Variants in SLC15A2 observed in about 807,000 individuals in gnomAD.
SLC15A2 encodes the protein solute carrier family 15 member 2.
SLC15A2 carries 77 observed loss-of-function variants against 95.5 expected under a neutral mutation model. The observed-to-expected ratio is 0.81, with a 90% confidence interval of 0.67 to 0.97. The LOEUF (loss-of-function observed/expected upper bound fraction) is 0.97, where lower values mean the gene tolerates loss of function less well. SLC15A2 is among the 50% of genes least tolerant of loss of function. The pLI, the probability that SLC15A2 is intolerant of heterozygous loss-of-function variation, is 0.00. For missense variants in SLC15A2, 893 were observed against 874.4 expected, an observed-to-expected ratio of 1.02 and a Z score of -0.27; for synonymous variants, 306 against 306.9, an observed-to-expected ratio of 1.00 and a Z score of 0.03.
In SLC15A2 at chr3:121,924,231, C is replaced by T. The variant is rs1017525653; in HGVS notation, c.1003-120C>T. 29 of 800,676 alleles carry T rather than the reference C, an allele frequency of 3.6e-5. 1 individual carries two copies. The highest frequency in any genetic ancestry group is 6.2e-5 in the Non-Finnish European group (29 of 468,902). The allele number at this position is 800,676 out of a possible 1,614,324, so 49.6% of individuals were successfully genotyped here. A position where few individuals can be genotyped will look rare whatever the true frequency, so the allele number is the denominator to read the frequency against. ...CAAAATAGTGGCCCTGAACCAAAGACCTGATGAATTTTCTCTCATATGTTT... is the reference window on the plus strand; with the variant it reads ...CAAAATAGTGGCCCTGAACCAAAGATCTGATGAATTTTCTCTCATATGTTT... On this transcript the variant is annotated intron_variant, in intron 11 of 21. Coordinates refer to ENST00000489711, the MANE Select transcript of SLC15A2 (RefSeq NM_021082.4).
chr3:121,910,311 C>T (rs3792596), intron 3 of SLC15A2, among the ~76,000 whole-genome samples: 67,706 of 151,448 alleles, frequency 0.45, 15,640 homozygotes, highest in East Asian at 0.69. Flanking sequence ...ATTCTCCTGC[C>T]TCAGCCTCCC....
chr3:121,904,643 C>T (rs561598930), intron 3 of SLC15A2, among the ~76,000 whole-genome samples: 16 of 152,100 alleles, frequency 1.1e-4, no homozygotes, highest in Admixed American at 5.2e-4. Context: ...GTTTATATGC[C>T]GGATTACGTT....
intron 3 of SLC15A2, among the ~76,000 whole-genome samples, chr3:121,911,099 CT>C (rs1453230438): frequency 6.6e-6 from 1 of 152,218 alleles, no homozygotes; most frequent in Non-Finnish European, 1.5e-5. Flanking sequence ...TTAGCCATTC[CT>C]GTTTACTTGG....
At position 121,939,419 on chromosome 3, in the gene SLC15A2, A is replaced by G; in HGVS notation, c.1832A>G (p.Gln611Arg). The change falls in exon 20 of 22, where the codon CAG becomes CGG. Residue 611 changes from glutamine (Q) to arginine (R), a missense_variant. By Grantham distance (43) the Gln-to-Arg change is conservative. Transcript: ENST00000489711. ...GCCAACAAAATGTCCATTGCGTGGC[A>G]GCTACCACAATATGCCCTGGTTACA... ...IPANKMSIAW[Q>R]LPQYALVTAG... 6.3e-7 allele frequency: 1 copy of G among 1,581,020 alleles called. No individual in the cohort carries two copies. Among genetic ancestry groups the G allele is most frequent in the Non-Finnish European group, 8.6e-7 (1 of 1,164,192 alleles).
intron 6 of SLC15A2, 139 bp downstream of exon 6, chr3:121,915,456 T>C (rs1263592376): frequency 5.0e-6 from 4 of 796,684 alleles, no homozygotes; most frequent in African/African-American, 3.5e-5. Context: ...TTGATTTGTC[T>C]GGCCCAAAAG....
intron 18 of SLC15A2, 31 bp from the exon 19 acceptor site, chr3:121,931,608 T>A: frequency 7.0e-7 from 1 of 1,433,416 alleles, no homozygotes; most frequent in African/African-American, 1.4e-5. Context: ...AGCCTTGATA[T>A]TTATTCTAAC....
chr3:121,937,872 T>C (rs1401993713), intron 19 of SLC15A2, among the ~76,000 whole-genome samples: 3 of 151,422 alleles, frequency 2.0e-5, no homozygotes, highest in African/African-American at 7.3e-5. Flanking sequence ...TTTTCTGTTC[T>C]GTTTTTTCCC....
At chr3:121,929,443 A>G in intron 17 of SLC15A2, 95 bp downstream of exon 17, 1 of 1,349,814 alleles carries the variant, frequency 7.4e-7, no homozygotes, top group South Asian at 1.2e-5. Flanking sequence ...TCTGAACAGG[A>G]ATTCCCTCTC....
At position 121,896,923 on chromosome 3, in the gene SLC15A2, G is replaced by GTC. The variant is rs1576665993; in HGVS notation, c.193+430_193+431insTC. Among the ~76,000 whole-genome samples the GTC allele has an allele frequency of 4.7e-5, 7 of 149,080 alleles. No individual in the cohort carries two copies. The East Asian group carries it at 1.4e-3, about 31-fold the overall frequency. ...CTCCAAAAAAAAAAAAAAAAAAGGGGGGGGAGGGAAAGCTCTCATTATCTC... is the reference window on the plus strand; with the variant it reads ...CTCCAAAAAAAAAAAAAAAAAAGGGGTCGGGGAGGGAAAGCTCTCATTATCTC... On this transcript the variant is annotated intron_variant, in intron 2 of 21. Transcript: ENST00000489711.
intron 3 of SLC15A2, among the ~76,000 whole-genome samples, chr3:121,910,159 CT>C (rs1355193260): frequency 2.0e-5 from 3 of 150,694 alleles, no homozygotes; most frequent in Non-Finnish European, 2.9e-5. Flanking sequence ...GTTCCCTCCC[CT>C]GATGTTAATT....
In SLC15A2 at chr3:121,903,094, T is replaced by C. The variant is rs762886406; in HGVS notation, c.335+5565T>C. 4.3e-4 allele frequency among the ~76,000 whole-genome samples: 66 copies of C among 152,336 alleles called. 2 individuals carry two copies. The highest frequency in any genetic ancestry group is 8.4e-4 in the Non-Finnish European group (57 of 68,028). ...CATTGTGGTTTTGATTTGCATTTCTTTGATGGCCAGTGATGATGAGCATTT... is the reference window on the plus strand; with the variant it reads ...CATTGTGGTTTTGATTTGCATTTCTCTGATGGCCAGTGATGATGAGCATTT... On this transcript the variant is annotated intron_variant, in intron 3 of 21. Transcript: ENST00000489711.
At chr3:121,900,390 A>T (rs2107568762) in intron 3 of SLC15A2, among the ~76,000 whole-genome samples, 1 of 152,314 alleles carries the variant, frequency 6.6e-6, no homozygotes, top group South Asian at 2.1e-4. Context: ...ATTAAAATGG[A>T]CATCTAAAAT....
chr3:121,915,318 G>T lies in SLC15A2; in HGVS notation c.619+1G>T. 1 of 1,580,766 alleles carries T rather than the reference G, an allele frequency of 6.3e-7. No homozygotes were observed. Among genetic ancestry groups the T allele is most frequent in the South Asian group, 1.1e-5 (1 of 90,486 alleles). ...ACATTTATCACACCCATGCTGAGAG[G>T]TTAGGATTTTTTTGAGGGGCCCTGT... On this transcript the variant is annotated splice_donor_variant, in intron 6 of 21. Coordinates refer to ENST00000489711, the MANE Select transcript of SLC15A2 (RefSeq NM_021082.4). LOFTEE classifies it high-confidence loss of function.
At chr3:121,896,349 A>G in intron 1 of SLC15A2, 57 bp from the exon 2 acceptor site, 2 of 1,367,240 alleles carry the variant, frequency 1.5e-6, no homozygotes, top group South Asian at 2.3e-5. Flanking sequence ...AAGAAATCTA[A>G]TTGTTGAAAC....
At chr3:121,915,119 A>G in intron 5 of SLC15A2, 108 bp from the exon 6 acceptor site, 1 of 1,090,386 alleles carries the variant, frequency 9.2e-7, no homozygotes, top group East Asian at 2.6e-5. Flanking sequence ...TGTGGAGGCA[A>G]TATCTGAATC....
chr3:121,921,789 T>C (rs1441530765), intron 7 of SLC15A2, among the ~76,000 whole-genome samples: 1 of 152,098 alleles, frequency 6.6e-6, no homozygotes, highest in African/African-American at 2.4e-5. Context: ...GTGGTAGCAG[T>C]AGTAAAGTGA....
In SLC15A2 at chr3:121,935,469, A is replaced by T. The variant is rs145988517; in HGVS notation, c.1761+3734A>T. On this transcript the variant is annotated intron_variant, in intron 19 of 21. Coordinates refer to ENST00000489711, the MANE Select transcript of SLC15A2 (RefSeq NM_021082.4). Reference sequence around the variant, plus strand: ...CTGTTATTGGTCTATTCAGAGATTCAACTTCTTCCTGGTTTAGTCTTGGGA... The same window carrying T: ...CTGTTATTGGTCTATTCAGAGATTCTACTTCTTCCTGGTTTAGTCTTGGGA... Among the ~76,000 whole-genome samples, 1,230 of 152,286 alleles carry T rather than the reference A, an allele frequency of 8.1e-3. 16 individuals carry two copies. Among genetic ancestry groups the T allele is most frequent in the African/African-American group, 0.028 (1,164 of 41,528 alleles).
chr3:121,921,242 GT>G (rs1709999453), intron 7 of SLC15A2, among the ~76,000 whole-genome samples: 1 of 152,178 alleles, frequency 6.6e-6, no homozygotes, highest in Admixed American at 6.5e-5. Context: ...GAAATATAAA[GT>G]GGGAAACGGC....
In SLC15A2 at chr3:121,925,755, TATATATATATATATATATATATATATAA is replaced by T. The variant is rs1349204337; in HGVS notation, c.1124+724_1124+751del. Among the ~76,000 whole-genome samples, 234 of 83,002 alleles carry T rather than the reference TATATATATATATATATATATATATATAA, an allele frequency of 2.8e-3. 11 individuals are homozygous for T. The highest frequency in any genetic ancestry group is 0.01 in the African/African-American group (181 of 17,732). 54.5% of individuals were successfully genotyped at this position (83,002 alleles called of 152,430 possible). A position where few individuals can be genotyped will look rare whatever the true frequency, so the allele number is the denominator to read the frequency against. On this transcript the variant is annotated intron_variant, in intron 13 of 21. Coordinates refer to ENST00000489711, the MANE Select transcript of SLC15A2 (RefSeq NM_021082.4). ...ATATATATATATATATATATATATA[TATATATATATATATATATATATATATAA>T]AATACAACTACTACACAGGTAAAAT...
Sources: gnomAD v4.1 joint callset for allele counts (sites outside exome capture counted in the v4.1 genomes callset) on GRCh38, gnomAD v4.1.1 for gene constraint, MANE v1.5 for transcripts, NCBI Gene and HGNC (gene_info 2026-07-23, HGNC 2026-07-21) for gene names.